HACD2: variants seen among roughly 807,000 people sequenced by gnomAD.
The protein encoded by HACD2 is 3-hydroxyacyl-CoA dehydratase 2.
Under a neutral mutation model 31.0 loss-of-function variants are expected in HACD2, and 15 were observed. The observed-to-expected ratio is 0.48, with a 90% CI of 0.32 to 0.75. The LOEUF (loss-of-function observed/expected upper bound fraction) is 0.75, where lower values mean the gene tolerates loss of function less well. HACD2 is among the 30% of genes least tolerant of loss of function. The pLI is 0.03. For missense variants in HACD2, 283 were observed against 313.0 expected (o/e 0.90, Z 0.72); for synonymous variants, 115 against 122.2 (o/e 0.94, Z 0.39).
At chr3:123,500,009 C>A (rs968401466) in intron 6 of HACD2, among the ~76,000 whole-genome samples, 3 of 152,032 alleles carry the variant, frequency 2.0e-5, no homozygotes, top group African/African-American at 4.8e-5. Flanking sequence ...CAGTGCTCAA[C>A]AAGAAAATGA....
intron 1 of HACD2, among the ~76,000 whole-genome samples, chr3:123,582,917 A>G (rs1347461547): frequency 1.3e-5 from 2 of 152,216 alleles, no homozygotes; most frequent in African/African-American, 4.8e-5. Context: ...ACAAACCACG[A>G]AACAGGAAAG....
chr3:123,512,288 G>T (rs141557446), intron 4 of HACD2, among the ~76,000 whole-genome samples: 1 of 152,028 alleles, frequency 6.6e-6, no homozygotes, highest in African/African-American at 2.4e-5. Context: ...GAAAAGAAAC[G>T]CATAAACACA....
At chr3:123,537,578 T>TACACACAC (rs201885124) in intron 3 of HACD2, among the ~76,000 whole-genome samples, 445 of 144,390 alleles carry the variant, frequency 3.1e-3, no homozygotes, top group African/African-American at 0.011. Context: ...CAACAACAAA[T>TACACACAC]ACACATACAC....
Sources: allele counts gnomAD v4.1 joint callset (sites outside exome capture counted in the v4.1 genomes callset), GRCh38; gene constraint gnomAD v4.1.1; transcripts MANE v1.5; gene names NCBI Gene and HGNC (gene_info 2026-07-23, HGNC 2026-07-21).